Variants in TEX9 observed in about 807,000 individuals in gnomAD.
TEX9 encodes the protein testis-expressed protein 9.
In TEX9, 74 loss-of-function variants were observed where a neutral mutation model predicts 59.6. The observed-to-expected ratio is 1.24, with a 90% CI of 1.03 to 1.51. TEX9 has a LOEUF of 1.51. Ranked by LOEUF, TEX9 falls within the 40% of genes most tolerant of loss-of-function variation. TEX9 has a pLI of 0.00. For missense variants in TEX9, 522 were observed against 447.8 expected, an observed-to-expected ratio of 1.17 and a Z score of -1.49; for synonymous variants, 186 against 152.2, an observed-to-expected ratio of 1.22 and a Z score of -1.64.
intron 10 of TEX9, among the ~76,000 whole-genome samples, chr15:56,416,087 C>T (rs2049670717): frequency 6.6e-6 from 1 of 151,806 alleles, no homozygotes; most frequent in African/African-American, 2.4e-5. Flanking sequence ...TATCCTGCAA[C>T]TTTGCTGAAG....
intron 1 of TEX9, among the ~76,000 whole-genome samples, chr15:56,245,288 G>A (rs1005927546): frequency 6.6e-6 from 1 of 152,180 alleles, no homozygotes; most frequent in Admixed American, 6.5e-5. Context: ...CTGAATGCTT[G>A]CACGTGGTGA....
the TEX9 span, among the ~76,000 whole-genome samples, chr15:56,453,760 G>A: frequency 6.6e-6 from 1 of 152,078 alleles, no homozygotes; most frequent in Admixed American, 6.5e-5. Flanking sequence ...TATCTTTTAA[G>A]TACTTTCTTG....
Position 56,390,673 on chromosome 15 carries a change from G to A in TEX9, c.396-570G>A, listed in dbSNP as rs1174354761. Among the ~76,000 whole-genome samples, 4 of 152,056 alleles carry A rather than the reference G, an allele frequency of 2.6e-5. No individual in the cohort carries two copies. In the East Asian group the frequency reaches 7.7e-4, roughly 29 times the overall value. On this transcript the variant is annotated intron_variant, in intron 6 of 12. Coordinates refer to ENST00000352903, the Ensembl canonical transcript of TEX9. ...AAATTCACATCCAACTTTTTGGTTAGTATTGATTGTGGTTAAGAATGTGTT... is the reference window on the plus strand; with the variant it reads ...AAATTCACATCCAACTTTTTGGTTAATATTGATTGTGGTTAAGAATGTGTT...
In TEX9 at chr15:56,341,936, A is replaced by G. The variant is rs142305770; in HGVS notation, c.-106-31505A>G. ...TTCTTTGTTTAAGTAATGAGTTTGTATTGGTTTCCCCAGTTTATCATATTA... is the reference window on the plus strand; with the variant it reads ...TTCTTTGTTTAAGTAATGAGTTTGTGTTGGTTTCCCCAGTTTATCATATTA... On this transcript the variant is annotated intron_variant, in intron 1 of 5. Coordinates refer to the TEX9 transcript ENST00000560827. Among the ~76,000 whole-genome samples the G allele has an allele frequency of 3.5e-3, 535 of 152,144 alleles. 3 individuals carry two copies. Among genetic ancestry groups the G allele is most frequent in the African/African-American group, 0.012 (507 of 41,512 alleles).
At chr15:56,401,742 C>G (rs1596189773) in intron 9 of TEX9, among the ~76,000 whole-genome samples, 1 of 152,278 alleles carries the variant, frequency 6.6e-6, no homozygotes, top group East Asian at 1.9e-4. Flanking sequence ...TAAAGCACTC[C>G]TCAGCAAATG....
At chr15:56,244,548 C>A (rs888838774) in intron 1 of TEX9, among the ~76,000 whole-genome samples, 16 of 152,222 alleles carry the variant, frequency 1.1e-4, no homozygotes, top group African/African-American at 3.4e-4. Context: ...TTCCTTCGTG[C>A]CTTTGCTCAT....
intron 10 of TEX9, among the ~76,000 whole-genome samples, chr15:56,418,779 A>G (rs183960526): frequency 4.7e-4 from 71 of 152,150 alleles, no homozygotes; most frequent in Non-Finnish European, 2.9e-5. Context: ...ATAATCTATC[A>G]AAGCTAAGGT....
Position 56,274,439 on chromosome 15 carries a change from C to T in TEX9, c.-107+30161C>T, listed in dbSNP as rs1416914079. ...GTTACTTGTCAGATAATTGTAATGT[C>T]TACATTATCTCTTGAATCTTGTTCT... On this transcript the variant is annotated intron_variant, in intron 1 of 5. Coordinates refer to the TEX9 transcript ENST00000560827. The T allele has an allele frequency of 2.0e-5, 3 of 152,206 alleles. No homozygotes were observed. The South Asian group carries it at 6.2e-4, about 32-fold the overall frequency. 9.4% of individuals were successfully genotyped at this position (152,206 alleles called of 1,614,324 possible).
intron 1 of TEX9, among the ~76,000 whole-genome samples, chr15:56,262,696 A>AC (rs1463308726): frequency 5.9e-5 from 9 of 152,218 alleles, no homozygotes; most frequent in Admixed American, 1.3e-4. Flanking sequence ...CATCTAACAC[A>AC]CCAGAGATAG....
intron 1 of TEX9, among the ~76,000 whole-genome samples, chr15:56,306,280 G>GAAAAAAAAAAAAAAAAAAAAAAAAAAAA (rs2045484308): frequency 1.4e-5 from 1 of 72,020 alleles, no homozygotes. Context: ...AAAAAAAAAG[G>GAAAAAAAAAAAAAAAAAAAAAAAAAAAA]AAATCAGTGT....
At chr15:56,395,779 A>G (rs1427891927) in intron 9 of TEX9, 1 of 152,212 alleles carries the variant, frequency 6.6e-6, no homozygotes, top group African/African-American at 2.4e-5. Flanking sequence ...CTTTGGAGAA[A>G]TGTCTGTTAA....
At chr15:56,458,175 AT>A in the TEX9 span, among the ~76,000 whole-genome samples, 2 of 152,234 alleles carry the variant, frequency 1.3e-5, no homozygotes, top group African/African-American at 4.8e-5. Flanking sequence ...TTTTTTAATA[AT>A]TGAGATATAA....
intron 1 of TEX9, among the ~76,000 whole-genome samples, chr15:56,360,069 C>T (rs911817893): frequency 1.3e-5 from 2 of 152,084 alleles, no homozygotes; most frequent in Admixed American, 6.6e-5. Flanking sequence ...TCCTTGTATA[C>T]TGAGAATAAA....
chr15:56,272,945 TTGTTG>T (rs2044578033), intron 1 of TEX9, among the ~76,000 whole-genome samples: 1 of 139,152 alleles, frequency 7.2e-6, no homozygotes, highest in African/African-American at 2.6e-5. Flanking sequence ...TTTATTTTTT[TTGTTG>T]TTGTTGTTGT....
rs1276837787 is a variant in TEX9 at position 56,315,039 on chromosome 15, T to A, written c.-106-58402T>A. On this transcript the variant is annotated intron_variant, in intron 1 of 5. Transcript: ENST00000560827. ...TCCATCCTTTTATTTTGAGCCTATGTGTGTCTCTGCATGTGAGATGGGTTT... is the reference window on the plus strand; with the variant it reads ...TCCATCCTTTTATTTTGAGCCTATGAGTGTCTCTGCATGTGAGATGGGTTT... 9.9e-5 allele frequency among the ~76,000 whole-genome samples: 15 copies of A among 151,424 alleles called. 1 individual carries two copies. The highest frequency in any genetic ancestry group is 3.1e-4 in the African/African-American group (13 of 41,300).
At chr15:56,299,292 C>T (rs1177194841) in intron 1 of TEX9, among the ~76,000 whole-genome samples, 1 of 152,202 alleles carries the variant, frequency 6.6e-6, no homozygotes, top group Non-Finnish European at 1.5e-5. Context: ...CAGAAGAAGC[C>T]ACACAGCGCA....
At chr15:56,445,293 A>G (rs753474496) in intron 12 of TEX9, among the ~76,000 whole-genome samples, 3 of 152,002 alleles carry the variant, frequency 2.0e-5, no homozygotes, top group African/African-American at 4.8e-5. Flanking sequence ...TCAAGAGACA[A>G]TCTTTCTTCT....
At chr15:56,319,292 T>G (rs561958643) in intron 1 of TEX9, among the ~76,000 whole-genome samples, 2 of 151,658 alleles carry the variant, frequency 1.3e-5, no homozygotes, top group East Asian at 3.9e-4. Context: ...ACTAAGTGGT[T>G]CAGATATCAA....
chr15:56,433,937 A>G (rs1039271550), intron 12 of TEX9, among the ~76,000 whole-genome samples: 4 of 152,168 alleles, frequency 2.6e-5, no homozygotes, highest in Non-Finnish European at 5.9e-5. Flanking sequence ...TATGTTCTCA[A>G]TACCAACCAG....
Sources: allele counts gnomAD v4.1 joint callset (sites outside exome capture counted in the v4.1 genomes callset), GRCh38; gene constraint gnomAD v4.1.1; transcripts MANE v1.5; gene names NCBI Gene and HGNC (gene_info 2026-07-23, HGNC 2026-07-21).